Variants in BMPER observed in about 807,000 individuals in gnomAD.
The protein encoded by BMPER is BMP binding endothelial regulator, also known as BMP-binding endothelial regulator protein.
BMPER carries 45 observed loss-of-function variants against 87.3 expected under a neutral mutation model. The ratio of observed to expected loss-of-function variants is 0.52; its 90% CI spans 0.41 to 0.66. BMPER has a LOEUF of 0.66. Among genes scored for constraint, BMPER ranks in the 30% least tolerant of loss-of-function variants. The pLI, the probability that BMPER is intolerant of heterozygous loss-of-function variation, is 0.00. For synonymous variants in BMPER, 326 were observed against 316.2 expected, an observed-to-expected ratio of 1.03 and a Z score of -0.33; for missense variants, 784 against 867.5, an observed-to-expected ratio of 0.90 and a Z score of 1.21.
chr7:34,129,271 G>A (rs1314983719), intron 13 of BMPER, among the ~76,000 whole-genome samples: 1 of 151,986 alleles, frequency 6.6e-6, no homozygotes, highest in Non-Finnish European at 1.5e-5. Flanking sequence ...GGGAGGCTGA[G>A]GTGGGTGGAT....
At chr7:33,967,675 G>C (rs1785438132) in intron 4 of BMPER, among the ~76,000 whole-genome samples, 1 of 152,146 alleles carries the variant, frequency 6.6e-6, no homozygotes, top group Non-Finnish European at 1.5e-5. Context: ...AAAGGGATGA[G>C]AGCAATAAGT....
intron 6 of BMPER, among the ~76,000 whole-genome samples, chr7:34,007,300 A>G (rs930317971): frequency 6.6e-6 from 1 of 152,046 alleles, no homozygotes; most frequent in South Asian, 2.1e-4. Flanking sequence ...ATCTTTAGGC[A>G]TATTGTATTA....
chr7:34,097,167 G>A (rs945888790), intron 13 of BMPER, among the ~76,000 whole-genome samples: 2 of 152,208 alleles, frequency 1.3e-5, no homozygotes, highest in Admixed American at 6.5e-5. Flanking sequence ...CATATGTAGG[G>A]TTTAGCTGGA....
chr7:34,130,613 G>A (rs1790559352), intron 13 of BMPER, among the ~76,000 whole-genome samples: 1 of 152,196 alleles, frequency 6.6e-6, no homozygotes, highest in Non-Finnish European at 1.5e-5. Context: ...CTAGGGCTGG[G>A]GAAAATTGGT....
intron 13 of BMPER, among the ~76,000 whole-genome samples, chr7:34,122,522 A>T (rs1383476888): frequency 6.6e-6 from 1 of 152,182 alleles, no homozygotes; most frequent in African/African-American, 2.4e-5. Context: ...TGTCACCTGG[A>T]TCTAGAGTCC....
intron 9 of BMPER, 79 bp from the exon 10 acceptor site, chr7:34,057,980 C>G (rs1788328360): frequency 7.8e-7 from 1 of 1,290,196 alleles, no homozygotes; most frequent in Admixed American, 1.7e-5. Context: ...ATGCTTTCCT[C>G]CATGGAGAGG....
chr7:34,115,710 G>A (rs1237948911), intron 13 of BMPER, among the ~76,000 whole-genome samples: 1 of 152,174 alleles, frequency 6.6e-6, no homozygotes, highest in African/African-American at 2.4e-5. Flanking sequence ...TTGTATGGAT[G>A]TACCACATTT....
chr7:33,938,929 G>A (rs970632398), intron 3 of BMPER, among the ~76,000 whole-genome samples: 3 of 152,180 alleles, frequency 2.0e-5, no homozygotes, highest in African/African-American at 7.2e-5. Context: ...GGAGGCTGAA[G>A]CAGGAGAATC....
At chr7:34,033,442 A>G (rs1787581864) in intron 6 of BMPER, among the ~76,000 whole-genome samples, 4 of 152,208 alleles carry the variant, frequency 2.6e-5, no homozygotes, top group Admixed American at 2.6e-4. Context: ...TATAAACAAT[A>G]TAGACCACCT....
chr7:33,961,215 T>C (rs1785262933), intron 3 of BMPER, among the ~76,000 whole-genome samples: 1 of 152,154 alleles, frequency 6.6e-6, no homozygotes, highest in Non-Finnish European at 1.5e-5. Flanking sequence ...GAATAGAGGA[T>C]GAAGAGGTGA....
At chr7:34,051,778 T>C in intron 7 of BMPER, 83 bp from the exon 8 acceptor site, 1 of 1,188,476 alleles carries the variant, frequency 8.4e-7, no homozygotes, top group Non-Finnish European at 1.3e-6. Context: ...GAATGTATAA[T>C]GGACCTATGA....
At chr7:33,991,749 C>A (rs1243740072) in intron 6 of BMPER, among the ~76,000 whole-genome samples, 1 of 149,430 alleles carries the variant, frequency 6.7e-6, no homozygotes, top group Admixed American at 6.7e-5. Flanking sequence ...CTCTTGTGGG[C>A]ATTTAGTGCT....
At chr7:34,152,974 A>G in intron 14 of BMPER, 118 bp from the exon 15 acceptor site, 1 of 1,170,392 alleles carries the variant, frequency 8.5e-7, no homozygotes. Context: ...TGCAAATGTG[A>G]TCCTGAGCTA....
intron 13 of BMPER, among the ~76,000 whole-genome samples, chr7:34,088,841 G>T (rs538722766): frequency 6.6e-6 from 1 of 152,180 alleles, no homozygotes; most frequent in East Asian, 1.9e-4. Context: ...CATCACGGAG[G>T]ACTGATTACA....
intron 2 of BMPER, among the ~76,000 whole-genome samples, chr7:33,916,688 G>T (rs962459847): frequency 3.3e-5 from 5 of 152,206 alleles, no homozygotes; most frequent in Non-Finnish European, 5.9e-5. Flanking sequence ...GCCTTGTAGT[G>T]TAGTGAGTTG....
rs189507998 is a variant in BMPER at position 34,070,679 on chromosome 7, C to T, written c.1079-8178C>T. 1.2e-3 allele frequency among the ~76,000 whole-genome samples: 177 copies of T among 152,240 alleles called. 1 individual carries two copies. Among genetic ancestry groups the T allele is most frequent in the Middle Eastern group, 0.01 (3 of 294 alleles). On this transcript the variant is annotated intron_variant, in intron 11 of 14. Transcript: ENST00000649409. Reference sequence around the variant, plus strand: ...CAAAACAAGGTTCTGTGATTAAATACACTCAGGAAATGCTGGGTCAAGTAA... The same window carrying T: ...CAAAACAAGGTTCTGTGATTAAATATACTCAGGAAATGCTGGGTCAAGTAA...
At position 33,952,279 on chromosome 7, in the gene BMPER, C is replaced by G. The variant is rs559215688; in HGVS notation, c.320-14200C>G. ...GATTCTGCGTCTGCTTATAGCATAC[C>G]TATCATGAAGAGTAAACTGCTCAGC... On this transcript the variant is annotated intron_variant, in intron 3 of 14. Transcript: ENST00000649409. Among the ~76,000 whole-genome samples, 10 of 152,268 alleles carry G rather than the reference C, an allele frequency of 6.6e-5. No individual in the cohort carries two copies. The South Asian group carries it at 2.1e-3, about 32-fold the overall frequency.
intron 3 of BMPER, among the ~76,000 whole-genome samples, chr7:33,945,642 C>A (rs1784876470): frequency 6.6e-6 from 1 of 152,106 alleles, no homozygotes; most frequent in Non-Finnish European, 1.5e-5. Context: ...TATTGAAGCA[C>A]TGTGGATTGT....
intron 3 of BMPER, among the ~76,000 whole-genome samples, chr7:33,964,299 A>G (rs1785350463): frequency 6.6e-6 from 1 of 152,210 alleles, no homozygotes. Context: ...GTGAAGAATG[A>G]AAAGGTGTGG....
Sources: gnomAD v4.1 joint callset for allele counts (sites outside exome capture counted in the v4.1 genomes callset) on GRCh38, gnomAD v4.1.1 for gene constraint, MANE v1.5 for transcripts, NCBI Gene and HGNC (gene_info 2026-07-23, HGNC 2026-07-21) for gene names.